DSCC1: variants seen among roughly 807,000 people sequenced by gnomAD.
DSCC1 encodes the protein sister chromatid cohesion protein DCC1.
A neutral mutation model predicts 48.2 loss-of-function variants in DSCC1; 32 were observed. That is an observed-to-expected ratio of 0.66 (90% CI 0.50 to 0.89). DSCC1 has a LOEUF of 0.89. Among genes scored for constraint, DSCC1 ranks in the 40% least tolerant of loss-of-function variants. DSCC1 has a pLI of 0.00. For missense variants in DSCC1, 421 were observed against 471.7 expected (o/e 0.89, Z 1.00); for synonymous variants, 150 against 171.5 (o/e 0.87, Z 0.98).
chr8:119,855,566 A>G (rs971219508), intron 1 of DSCC1, 48 bp downstream of exon 1: 4 of 1,514,012 alleles, frequency 2.6e-6, no homozygotes, highest in Non-Finnish European at 3.5e-6. Flanking sequence ...CGCTGAGAAA[A>G]TAACGTGGCC....
chr8:119,855,508 C>T (rs1316133274), intron 1 of DSCC1, 106 bp downstream of exon 1: 9 of 1,406,744 alleles, frequency 6.4e-6, no homozygotes, highest in Non-Finnish European at 8.4e-6. Context: ...GAGCCCCCGG[C>T]CAGGTCAGTG....
rs200028229 is a variant in DSCC1 at position 119,855,601 on chromosome 8, G to A, written c.182+13C>T. ...CGGCCAGAGGCTGGGGGCGCCGCGT[G>A]ACCAGGGCTCACCTGTGTCCATCCT... is the stretch of plus-strand genomic sequence containing the variant. On this transcript the variant is annotated intron_variant, in intron 1 of 8. Coordinates refer to ENST00000313655, the MANE Select transcript of DSCC1 (RefSeq NM_024094.3). 4.8e-4 allele frequency: 733 copies of A among 1,536,698 alleles called. 3 individuals carry two copies. The African/African-American group carries it at 8.7e-3, about 18-fold the overall frequency.
chr8:119,836,699 G>A (rs1231983293), intron 8 of DSCC1, among the ~76,000 whole-genome samples: 3 of 152,030 alleles, frequency 2.0e-5, no homozygotes, highest in Non-Finnish European at 2.9e-5. Context: ...ATAGGAATCT[G>A]GACCTCAGGG....
intron 1 of DSCC1, 64 bp from the exon 2 acceptor site, chr8:119,853,279 A>G: frequency 2.0e-6 from 3 of 1,515,598 alleles, no homozygotes; most frequent in Non-Finnish European, 2.7e-6. Flanking sequence ...TTCATCATAA[A>G]CAGTTCTCAA....
At chr8:119,840,178 A>G (rs1475394290) in intron 7 of DSCC1, 1 of 152,256 alleles carries the variant, frequency 6.6e-6, no homozygotes, top group Non-Finnish European at 1.5e-5. Flanking sequence ...AGTATACGCC[A>G]CATGCCAGGT....
intron 2 of DSCC1, 143 bp downstream of exon 2, chr8:119,852,904 C>A: frequency 6.1e-6 from 4 of 654,790 alleles, no homozygotes; most frequent in Non-Finnish European, 9.1e-6. Context: ...AATAATAATG[C>A]TGAGAAATTC....
intron 1 of DSCC1, among the ~76,000 whole-genome samples, chr8:119,854,072 G>C (rs1422388072): frequency 6.6e-6 from 1 of 152,062 alleles, no homozygotes; most frequent in Non-Finnish European, 1.5e-5. Context: ...AAGTTAGCTG[G>C]GTGTGATGAT....
At position 119,850,523 on chromosome 8, in the gene DSCC1, A is replaced by G. The variant is rs2131309495; in HGVS notation, c.352-7T>C. 1.3e-6 allele frequency: 2 copies of G among 1,545,798 alleles called. No individual in the cohort carries two copies. Among genetic ancestry groups the G allele is most frequent in the Non-Finnish European group, 1.7e-6 (2 of 1,159,802 alleles). On this transcript the variant is annotated splice_polypyrimidine_tract_variant and splice_region_variant and intron_variant, in intron 2 of 8. Coordinates refer to ENST00000313655, the MANE Select transcript of DSCC1 (RefSeq NM_024094.3). ...TATTAGAAAAACCAAAGATCTAGAA[A>G]TTATATATATCGTAACCTTTTAGGG... is the stretch of plus-strand genomic sequence containing the variant.
chr8:119,849,429 T>A (rs114489715), intron 3 of DSCC1, among the ~76,000 whole-genome samples: 1 of 152,064 alleles, frequency 6.6e-6, no homozygotes. Context: ...AACAAAACAC[T>A]GATACATGCT....
intron 8 of DSCC1, among the ~76,000 whole-genome samples, chr8:119,837,847 G>A (rs1173005085): frequency 6.6e-6 from 1 of 152,118 alleles, no homozygotes. Flanking sequence ...CAAGCGTTAG[G>A]GGACTCAAGA....
At chr8:119,855,026 C>A (rs1826995571) in intron 1 of DSCC1, among the ~76,000 whole-genome samples, 1 of 152,202 alleles carries the variant, frequency 6.6e-6, no homozygotes, top group African/African-American at 2.4e-5. Flanking sequence ...TATAACGATT[C>A]TCTAGACTTC....
intron 1 of DSCC1, 22 bp downstream of exon 1, chr8:119,855,592 G>A: frequency 6.5e-7 from 1 of 1,529,618 alleles, no homozygotes. Flanking sequence ...GAGGCTGGGG[G>A]CGCCGCGTGA....
intron 7 of DSCC1, among the ~76,000 whole-genome samples, chr8:119,841,451 A>C (rs1826768016): frequency 6.6e-6 from 1 of 152,144 alleles, no homozygotes; most frequent in Non-Finnish European, 1.5e-5. Flanking sequence ...GGAAATGGTG[A>C]GAAACGGAAC....
intron 4 of DSCC1, among the ~76,000 whole-genome samples, chr8:119,846,756 C>T (rs1404980794): frequency 2.0e-5 from 3 of 152,174 alleles, no homozygotes; most frequent in African/African-American, 4.8e-5. Flanking sequence ...GACAGGGTTT[C>T]GCCACATTGG....
rs1378138152 is a variant in DSCC1 at position 119,841,913 on chromosome 8, A to G, written c.805T>C (p.Cys269Arg). 2.5e-6 allele frequency: 4 copies of G among 1,614,138 alleles called. No homozygotes were observed. The highest frequency in any genetic ancestry group is 4.5e-5 in the East Asian group (2 of 44,880). Residue 269 changes from cysteine (C) to arginine (R), a missense_variant, in exon 7 of 9, where the codon TGT becomes CGT. This residue lies in a region of DSCC1 where 238 missense variants were observed against 259.0 expected (regional missense o/e 0.92). Transcript: ENST00000313655. ...AGTAGCATTCGTGCTGCTGCTCTAC[A>G]TATTTTATCAGCATCCAACTCAAAA... is the stretch of plus-strand genomic sequence containing the variant. ...VYFELDADKI[C>R]RAAARMLLQN...
At chr8:119,837,173 T>A (rs1004704135) in intron 8 of DSCC1, among the ~76,000 whole-genome samples, 2 of 152,140 alleles carry the variant, frequency 1.3e-5, no homozygotes, top group African/African-American at 4.8e-5. Context: ...AGATGGGCAA[T>A]ATTACAGAAT....
chr8:119,852,173 G>A (rs1446487077), intron 2 of DSCC1, among the ~76,000 whole-genome samples: 1 of 152,076 alleles, frequency 6.6e-6, no homozygotes, highest in Non-Finnish European at 1.5e-5. Flanking sequence ...GGCTATGCTT[G>A]GATTGTTATA....
chr8:119,855,468 T>C (rs1032718823), intron 1 of DSCC1, 146 bp downstream of exon 1: 3 of 1,139,966 alleles, frequency 2.6e-6, no homozygotes, highest in Non-Finnish European at 2.4e-6. Context: ...ACCGGAGGCG[T>C]GGACTCCTCG....
chr8:119,838,537 TC>T, intron 7 of DSCC1, 130 bp from the exon 8 acceptor site: 1 of 1,116,008 alleles, frequency 9.0e-7, no homozygotes, highest in Non-Finnish European at 1.2e-6. Context: ...ACTTAAACTA[TC>T]CAGAGATTTA....
Sources: gnomAD v4.1 joint callset for allele counts (sites outside exome capture counted in the v4.1 genomes callset) on GRCh38, gnomAD v4.1.1 for gene constraint, gnomAD v4.1.1 regional missense constraint, MANE v1.5 for transcripts, NCBI Gene and HGNC (gene_info 2026-07-23, HGNC 2026-07-21) for gene names.